Variants in PDZRN4 observed in about 807,000 individuals in gnomAD.
PDZRN4 encodes PDZ domain-containing RING finger protein 4.
A neutral mutation model predicts 99.0 loss-of-function variants in PDZRN4; 70 were observed. The ratio of observed to expected loss-of-function variants is 0.71; its 90% CI spans 0.58 to 0.86. PDZRN4 has a LOEUF of 0.86. PDZRN4 is among the 40% of genes least tolerant of loss of function. The pLI is 0.00. For missense variants in PDZRN4, 1,474 were observed against 1,331.2 expected, an observed-to-expected ratio of 1.11 and a Z score of -1.67; for synonymous variants, 551 against 501.6, an observed-to-expected ratio of 1.10 and a Z score of -1.32.
intron 3 of PDZRN4, among the ~76,000 whole-genome samples, chr12:41,416,779 T>G (rs1592051609): frequency 6.6e-6 from 1 of 152,186 alleles, no homozygotes; most frequent in Non-Finnish European, 1.5e-5. Flanking sequence ...CTTCCCTGGG[T>G]AGATGTTCTA....
At chr12:41,435,671 C>T (rs1488006621) in intron 3 of PDZRN4, among the ~76,000 whole-genome samples, 1 of 152,064 alleles carries the variant, frequency 6.6e-6, no homozygotes, top group African/African-American at 2.4e-5. Context: ...ACCTGTAATC[C>T]CAGCTACTCA....
intron 7 of PDZRN4, among the ~76,000 whole-genome samples, chr12:41,561,507 A>G (rs1338413311): frequency 6.6e-6 from 1 of 150,664 alleles, no homozygotes; most frequent in Non-Finnish European, 1.5e-5. Flanking sequence ...TTAGACTAAC[A>G]TGAATAAGTA....
intron 3 of PDZRN4, among the ~76,000 whole-genome samples, chr12:41,449,029 C>T (rs1952753029): frequency 6.6e-6 from 1 of 152,112 alleles, no homozygotes; most frequent in African/African-American, 2.4e-5. Context: ...AGACCCAACA[C>T]ATTAGGACCT....
At chr12:41,428,945 C>T (rs1952562832) in intron 3 of PDZRN4, among the ~76,000 whole-genome samples, 1 of 152,188 alleles carries the variant, frequency 6.6e-6, no homozygotes, top group African/African-American at 2.4e-5. Context: ...CAAGGCAATG[C>T]TCAAACCTCA....
At chr12:41,234,010 C>T (rs1951048716) in intron 3 of PDZRN4, among the ~76,000 whole-genome samples, 1 of 151,616 alleles carries the variant, frequency 6.6e-6, no homozygotes, top group African/African-American at 2.4e-5. Context: ...TCTGATTGGC[C>T]CCCGTCAGAA....
rs573890770 is a variant in PDZRN4, at chr12:41,455,217, T to C, written c.844-51239T>C. Among the ~76,000 whole-genome samples the C allele has an allele frequency of 2.0e-5, 3 of 152,314 alleles. No homozygotes were observed. In the East Asian group the frequency reaches 5.8e-4, roughly 29 times the overall value. On this transcript the variant is annotated intron_variant, in intron 3 of 9. Coordinates refer to ENST00000402685, the MANE Select transcript of PDZRN4 (RefSeq NM_001164595.2). Reference sequence around the variant, plus strand: ...TGCTTTTTTAAGAACTGAAATGAAATATAAATTATAAAAGCAAGTATAAAA... The same window carrying C: ...TGCTTTTTTAAGAACTGAAATGAAACATAAATTATAAAAGCAAGTATAAAA...
chr12:41,330,907 A>G (rs757562441), intron 3 of PDZRN4, among the ~76,000 whole-genome samples: 1 of 152,134 alleles, frequency 6.6e-6, no homozygotes, highest in Non-Finnish European at 1.5e-5. Flanking sequence ...CCTTTAGCTC[A>G]TATCATTAAA....
At chr12:41,503,261 A>G (rs1043398766) in intron 3 of PDZRN4, among the ~76,000 whole-genome samples, 11 of 152,160 alleles carry the variant, frequency 7.2e-5, no homozygotes, top group Admixed American at 7.2e-4. Context: ...CAGCTGCATG[A>G]TAACTGGAAG....
At chr12:41,326,444 A>G (rs186334610) in intron 3 of PDZRN4, among the ~76,000 whole-genome samples, 2 of 152,328 alleles carry the variant, frequency 1.3e-5, no homozygotes, top group African/African-American at 4.8e-5. Context: ...TCCATTAATT[A>G]AAAACACATC....
chr12:41,506,941 C>A (rs1938217527), intron 4 of PDZRN4, among the ~76,000 whole-genome samples: 1 of 152,066 alleles, frequency 6.6e-6, no homozygotes, highest in Admixed American at 6.6e-5. Flanking sequence ...ATCATACTTG[C>A]TAGCTGCTGT....
intron 3 of PDZRN4, among the ~76,000 whole-genome samples, chr12:41,324,495 A>G (rs953772805): frequency 5.9e-5 from 9 of 152,070 alleles, no homozygotes; most frequent in Non-Finnish European, 1.2e-4. Flanking sequence ...CATTAACTAC[A>G]TATTTTCTCT....
intron 3 of PDZRN4, among the ~76,000 whole-genome samples, chr12:41,283,581 C>T (rs1158095854): frequency 6.6e-6 from 1 of 152,148 alleles, no homozygotes; most frequent in East Asian, 1.9e-4. Flanking sequence ...GACCAATATC[C>T]GTGATAAACA....
At chr12:41,303,840 A>G (rs1196466145) in intron 3 of PDZRN4, among the ~76,000 whole-genome samples, 1 of 152,148 alleles carries the variant, frequency 6.6e-6, no homozygotes, top group Non-Finnish European at 1.5e-5. Flanking sequence ...CAGATTCTTT[A>G]TTGTCACTCT....
Position 41,188,613 on chromosome 12 carries a change from C to A in PDZRN4, c.158C>A (p.Pro53Gln), listed in dbSNP as rs745715011. The A allele has an allele frequency of 6.5e-7, 1 of 1,539,332 alleles. No homozygotes were observed. Among genetic ancestry groups the A allele is most frequent in the Admixed American group, 1.9e-5 (1 of 51,716 alleles). ...TGGGCGGTGCGGAGGCGCCGGTGCC[C>A]GCTGCAGTGCCAGCCCTTGGCGCCC... ...LPWAVRRRRCPLQCQPLAPGE... is the reference protein window; with the variant it reads ...LPWAVRRRRCQLQCQPLAPGE... The change falls in exon 1 of 10, where the codon CCG becomes CAG. Residue 53 changes from proline (P) to glutamine (Q), a missense_variant. Physicochemically the swap from Pro to Gln is moderately conservative, Grantham distance 76. Transcript: ENST00000402685.
chr12:41,538,746 A>G (rs2120760463), intron 5 of PDZRN4, among the ~76,000 whole-genome samples: 1 of 152,266 alleles, frequency 6.6e-6, no homozygotes, highest in East Asian at 1.9e-4. Flanking sequence ...CCTATATTCA[A>G]AAGTTATAAA....
intron 3 of PDZRN4, among the ~76,000 whole-genome samples, chr12:41,427,576 T>A (rs1366776905): frequency 6.6e-6 from 1 of 152,220 alleles, no homozygotes; most frequent in African/African-American, 2.4e-5. Flanking sequence ...ATTCTGATGA[T>A]AATGTGTCCT....
intron 3 of PDZRN4, among the ~76,000 whole-genome samples, chr12:41,203,010 A>T (rs2120670105): frequency 6.6e-6 from 1 of 152,168 alleles, no homozygotes; most frequent in South Asian, 2.1e-4. Context: ...ATATTTCAGA[A>T]AAAAATAGTT....
At chr12:41,194,874 A>G (rs911465365) in intron 3 of PDZRN4, among the ~76,000 whole-genome samples, 4 of 152,194 alleles carry the variant, frequency 2.6e-5, no homozygotes, top group Admixed American at 2.0e-4. Flanking sequence ...ATGAGGAACT[A>G]TGATTATATT....
At chr12:41,444,686 C>T (rs576441079) in intron 3 of PDZRN4, among the ~76,000 whole-genome samples, 1 of 152,154 alleles carries the variant, frequency 6.6e-6, no homozygotes, top group East Asian at 1.9e-4. Context: ...TGGACTAAAG[C>T]TTTTCCTGTC....
Sources: allele counts gnomAD v4.1 joint callset (sites outside exome capture counted in the v4.1 genomes callset), GRCh38; gene constraint gnomAD v4.1.1; transcripts MANE v1.5; gene names NCBI Gene and HGNC (gene_info 2026-07-23, HGNC 2026-07-21).